The following WDFY4 variants were observed in gnomAD, a reference collection of about 807,000 sequenced individuals.
WDFY4 encodes WDFY family member 4.
In WDFY4, 169 loss-of-function variants were observed where a neutral mutation model predicts 351.9. The observed-to-expected ratio is 0.48, with a 90% CI of 0.42 to 0.55. The LOEUF (loss-of-function observed/expected upper bound fraction) is 0.55, where lower values mean the gene tolerates loss of function less well. Ranked by LOEUF, WDFY4 falls within the 20% of genes least tolerant of loss-of-function variation. The pLI is 0.00. For synonymous variants in WDFY4, 1,622 were observed against 1,574.6 expected (o/e 1.03, Z -0.71); for missense variants, 3,803 against 3,935.6 (o/e 0.97, Z 0.90).
At chr10:48,758,949 T>A (rs2065415625) in intron 12 of WDFY4, among the ~76,000 whole-genome samples, 1 of 152,202 alleles carries the variant, frequency 6.6e-6, no homozygotes, top group Admixed American at 6.5e-5. Flanking sequence ...CATTCTATGT[T>A]GAGCAATTTC....
At chr10:48,775,188 G>A (rs2065990886) in intron 14 of WDFY4, among the ~76,000 whole-genome samples, 1 of 152,204 alleles carries the variant, frequency 6.6e-6, no homozygotes, top group Non-Finnish European at 1.5e-5. Context: ...TGCACAGGGT[G>A]GGAAGCAGGG....
At chr10:48,775,839 T>C (rs1051520126) in intron 15 of WDFY4, 33 bp downstream of exon 15, 4 of 1,531,182 alleles carry the variant, frequency 2.6e-6, no homozygotes, top group Admixed American at 3.9e-5. Context: ...GGCAGGTTAA[T>C]GGGAAGTAAA....
chr10:48,686,434 G>GCAT (rs1363641625), intron 1 of WDFY4, among the ~76,000 whole-genome samples: 22 of 152,034 alleles, frequency 1.4e-4, no homozygotes, highest in Non-Finnish European at 2.4e-4. Flanking sequence ...TTAAAGATCA[G>GCAT]CATCATCTCT....
At chr10:48,720,795 A>G (rs1057031551) in intron 3 of WDFY4, among the ~76,000 whole-genome samples, 1 of 152,202 alleles carries the variant, frequency 6.6e-6, no homozygotes, top group Non-Finnish European at 1.5e-5. Context: ...CCTGACTTGC[A>G]TTCTTCCCCT....
At position 48,901,800 on chromosome 10, in the gene WDFY4, G is replaced by A; in HGVS notation, c.7524-1G>A. 6.4e-7 allele frequency: 1 copy of A among 1,551,530 alleles called. No individual in the cohort carries two copies. Among genetic ancestry groups the A allele is most frequent in the Non-Finnish European group, 8.7e-7 (1 of 1,146,872 alleles). On this transcript the variant is annotated splice_acceptor_variant, in intron 46 of 61. Coordinates refer to ENST00000325239, the MANE Select transcript of WDFY4 (RefSeq NM_001394531.1). LOFTEE classifies it high-confidence loss of function. ...GAATTATCCCTTCCCTTTTCATGTAGCTTCTGCTCTTTCCAACCCAGCCTG... is the reference window on the plus strand; with the variant it reads ...GAATTATCCCTTCCCTTTTCATGTAACTTCTGCTCTTTCCAACCCAGCCTG...
At position 48,822,556 on chromosome 10, in the gene WDFY4, C is replaced by A. The variant is rs1178784963; in HGVS notation, c.5982+19C>A. ...CATGGTGGTAAGAGCTGCTCACTGACCGGGTATCTGTGTGGATCTGAATGA... is the reference window on the plus strand; with the variant it reads ...CATGGTGGTAAGAGCTGCTCACTGAACGGGTATCTGTGTGGATCTGAATGA... On this transcript the variant is annotated intron_variant, in intron 35 of 61. Coordinates refer to ENST00000325239, the MANE Select transcript of WDFY4 (RefSeq NM_001394531.1). 4.0e-5 allele frequency: 61 copies of A among 1,512,782 alleles called. No individual in the cohort carries two copies. Among genetic ancestry groups the A allele is most frequent in the Non-Finnish European group, 5.3e-5 (60 of 1,123,118 alleles). 93.7% of individuals were successfully genotyped at this position (1,512,782 alleles called of 1,614,324 possible).
intron 12 of WDFY4, among the ~76,000 whole-genome samples, chr10:48,749,956 G>C (rs1340707422): frequency 6.6e-6 from 1 of 152,154 alleles, no homozygotes; most frequent in East Asian, 1.9e-4. Flanking sequence ...AACTTAAGTT[G>C]TGGCTATAAC....
At chr10:48,971,293 G>A (rs1429542005) in intron 57 of WDFY4, among the ~76,000 whole-genome samples, 3 of 152,202 alleles carry the variant, frequency 2.0e-5, no homozygotes, top group Admixed American at 2.0e-4. Flanking sequence ...TCAGGAGATC[G>A]AGACCATCCT....
At chr10:48,966,155 T>C (rs896135483) in intron 54 of WDFY4, among the ~76,000 whole-genome samples, 1 of 152,066 alleles carries the variant, frequency 6.6e-6, no homozygotes, top group Middle Eastern at 3.2e-3. Context: ...GTTGAGCCAA[T>C]AAAGGGAGCC....
intron 3 of WDFY4, 69 bp from the exon 4 acceptor site, chr10:48,721,192 G>T: frequency 1.4e-6 from 2 of 1,434,508 alleles, no homozygotes; most frequent in Non-Finnish European, 1.9e-6. Flanking sequence ...TGGGAAGAGG[G>T]GGCCCTGGAT....
rs114691541 is a variant in WDFY4 at position 48,862,208 on chromosome 10, C to T, written c.6664-5057C>T. Among the ~76,000 whole-genome samples, 508 of 152,208 alleles carry T rather than the reference C, an allele frequency of 3.3e-3. 3 individuals carry two copies. Among genetic ancestry groups the T allele is most frequent in the African/African-American group, 0.011 (475 of 41,534 alleles). ...TTCCTTAACTCAGTTTGAGATTTTC[C>T]TGATTCTTGATGTGAGTCTATGTTA... On this transcript the variant is annotated intron_variant, in intron 39 of 61. Transcript: ENST00000325239.
At chr10:48,968,852 G>A (rs1842206623) in intron 55 of WDFY4, 1 of 559,188 alleles carries the variant, frequency 1.8e-6, no homozygotes, top group African/African-American at 1.9e-5. Flanking sequence ...CTGCCCCGGG[G>A]CCCGGCTACA....
chr10:48,928,464 G>A (rs1410807898), intron 47 of WDFY4, among the ~76,000 whole-genome samples: 2 of 151,670 alleles, frequency 1.3e-5, no homozygotes, highest in Non-Finnish European at 2.9e-5. Flanking sequence ...TGGGGAACCT[G>A]GACTCCAGGT....
chr10:48,800,719 T>TTTCA (rs1470389366), intron 24 of WDFY4, among the ~76,000 whole-genome samples: 1 of 122,220 alleles, frequency 8.2e-6, no homozygotes, highest in Non-Finnish European at 1.6e-5. Context: ...TCTTTCTTTC[T>TTTCA]TTCATTCTTT....
intron 32 of WDFY4, among the ~76,000 whole-genome samples, chr10:48,818,885 C>T (rs911508017): frequency 3.9e-5 from 6 of 152,214 alleles, no homozygotes; most frequent in African/African-American, 7.2e-5. Flanking sequence ...CAGCCAGAGG[C>T]GCAGGCAGCC....
intron 54 of WDFY4, among the ~76,000 whole-genome samples, chr10:48,964,852 TC>T (rs1384915084): frequency 6.6e-6 from 1 of 152,174 alleles, no homozygotes; most frequent in Non-Finnish European, 1.5e-5. Flanking sequence ...GTTCCAGCCT[TC>T]CCCACATGCA....
intron 37 of WDFY4, among the ~76,000 whole-genome samples, chr10:48,829,892 G>A (rs2068129835): frequency 6.6e-6 from 1 of 152,182 alleles, no homozygotes; most frequent in African/African-American, 2.4e-5. Context: ...CTGTGTTCTG[G>A]TCAGGTAGCT....
At chr10:48,759,997 A>AGTGT (rs375855392) in intron 12 of WDFY4, among the ~76,000 whole-genome samples, 2 of 151,478 alleles carry the variant, frequency 1.3e-5, no homozygotes, top group African/African-American at 2.4e-5. Flanking sequence ...TGTGTGAGTG[A>AGTGT]GTGTGTGTGT....
At position 48,745,409 on chromosome 10, in the gene WDFY4, A is replaced by G. The variant is rs192633615; in HGVS notation, c.2459+1861A>G. The stretch of plus-strand genomic sequence containing the variant: ...GCATGTTCTCAGAGTGTTAGGTTCG[A>G]TGTTCTATTTATGTCCCTTGGATCG... On this transcript the variant is annotated intron_variant, in intron 12 of 61. Coordinates refer to ENST00000325239, the MANE Select transcript of WDFY4 (RefSeq NM_001394531.1). 1,002 of 220,952 alleles carry G rather than the reference A, an allele frequency of 4.5e-3. 3 individuals carry two copies. The highest frequency in any genetic ancestry group is 0.011 in the Admixed American group (192 of 17,150). The allele number at this position is 220,952 out of a possible 1,614,324, so 13.7% of individuals were successfully genotyped here.
Sources: gnomAD v4.1 joint callset for allele counts (sites outside exome capture counted in the v4.1 genomes callset) on GRCh38, gnomAD v4.1.1 for gene constraint, MANE v1.5 for transcripts, NCBI Gene and HGNC (gene_info 2026-07-23, HGNC 2026-07-21) for gene names.